CTNNA2: variants seen among roughly 807,000 people sequenced by gnomAD.
CTNNA2 encodes the protein catenin alpha 2.
CTNNA2 carries 42 observed loss-of-function variants against 101.0 expected under a neutral mutation model. That is an observed-to-expected ratio of 0.42 (90% CI 0.32 to 0.54). The LOEUF (loss-of-function observed/expected upper bound fraction) is 0.54, where lower values mean the gene tolerates loss of function less well. Ranked by LOEUF, CTNNA2 falls within the 20% of genes least tolerant of loss-of-function variation. The pLI, the probability that CTNNA2 is intolerant of heterozygous loss-of-function variation, is 0.14. For missense variants in CTNNA2, 871 were observed against 1,223.1 expected, an observed-to-expected ratio of 0.71 and a Z score of 4.29; for synonymous variants, 450 against 456.4, an observed-to-expected ratio of 0.99 and a Z score of 0.18.
intron 7 of CTNNA2, among the ~76,000 whole-genome samples, chr2:80,112,994 A>G (rs947687907): frequency 1.3e-5 from 2 of 152,152 alleles, no homozygotes; most frequent in African/African-American, 2.4e-5. Context: ...TGGCTGGTGC[A>G]ATGATTAGCC....
chr2:79,335,736 G>A (rs1367941193), intron 3 of CTNNA2, among the ~76,000 whole-genome samples: 1 of 152,166 alleles, frequency 6.6e-6, no homozygotes, highest in African/African-American at 2.4e-5. Flanking sequence ...TGTCTATGAA[G>A]GTGGTTCATG....
chr2:80,158,678 A>G (rs111692689), intron 7 of CTNNA2, among the ~76,000 whole-genome samples: 21,232 of 152,114 alleles, frequency 0.14, 3,708 homozygotes, highest in African/African-American at 0.41. Flanking sequence ...GGGAGGCTGA[A>G]GCAGGCAGAT....
In CTNNA2 at chr2:79,869,933, C is replaced by A; in HGVS notation, c.583C>A (p.Gln195Lys). ...KLNYVAARRQ[Q>K]ELKDPHCRDE... is the part of the protein sequence containing the mutation. ...TAACTATGTAGCAGCAAGAAGACAA[C>A]AGGTGGGAAAGATTTTAGAAATGCT... The change falls in exon 5 of 19, where the codon CAG becomes AAG. Residue 195 changes from glutamine to lysine, a missense_variant and splice_region_variant. By Grantham distance (53) the Gln-to-Lys change is moderately conservative. Around this residue, in one of 5 missense-constraint regions of CTNNA2, gnomAD observed 647 missense variants for 831.5 expected, o/e 0.78. Coordinates refer to ENST00000402739, the MANE Select transcript of CTNNA2 (RefSeq NM_001282597.3). 1 of 1,613,104 alleles carries A rather than the reference C, an allele frequency of 6.2e-7. No individual in the cohort carries two copies. The highest frequency in any genetic ancestry group is 8.5e-7 in the Non-Finnish European group (1 of 1,179,774).
Position 80,567,051 on chromosome 2 carries a change from TATAA to T in CTNNA2, c.1742-7108_1742-7105del, listed in dbSNP as rs140364945. On this transcript the variant is annotated intron_variant, in intron 12 of 18. Coordinates refer to ENST00000402739, the MANE Select transcript of CTNNA2 (RefSeq NM_001282597.3). ...GTACCTCCTAGGGAAGGCACACACCTATAAATACATATGGAAATGAAATAGTCAC... is the reference window on the plus strand; with the variant it reads ...GTACCTCCTAGGGAAGGCACACACCTATACATATGGAAATGAAATAGTCAC... Among the ~76,000 whole-genome samples, 357 of 152,268 alleles carry T rather than the reference TATAA, an allele frequency of 2.3e-3. 1 individual carries two copies. Among genetic ancestry groups the T allele is most frequent in the African/African-American group, 8.1e-3 (338 of 41,554 alleles).
At chr2:79,399,216 C>T (rs1363635294) in intron 4 of CTNNA2, among the ~76,000 whole-genome samples, 1 of 152,014 alleles carries the variant, frequency 6.6e-6, no homozygotes, top group Non-Finnish European at 1.5e-5. Context: ...GGATAAGAGG[C>T]TGATTTTTTT....
At chr2:80,159,740 C>G (rs1704197428) in intron 7 of CTNNA2, among the ~76,000 whole-genome samples, 2 of 152,116 alleles carry the variant, frequency 1.3e-5, no homozygotes, top group South Asian at 4.1e-4. Flanking sequence ...TCCCAAAGTG[C>G]TGGGATTACA....
chr2:79,554,950 C>A (rs563157048), intron 1 of CTNNA2, among the ~76,000 whole-genome samples: 1 of 152,194 alleles, frequency 6.6e-6, no homozygotes, highest in Non-Finnish European at 1.5e-5. Context: ...ATTTTAAATG[C>A]CATTTAGCAG....
intron 3 of CTNNA2, among the ~76,000 whole-genome samples, chr2:79,754,212 G>A (rs1161617892): frequency 1.3e-5 from 2 of 152,064 alleles, no homozygotes; most frequent in Non-Finnish European, 2.9e-5. Flanking sequence ...AGTAAATGAT[G>A]ACCAATGGGC....
At chr2:80,406,720 G>C (rs1165168799) in intron 8 of CTNNA2, among the ~76,000 whole-genome samples, 2 of 150,816 alleles carry the variant, frequency 1.3e-5, no homozygotes, top group East Asian at 2.0e-4. Context: ...CCAGCTACTC[G>C]GGAGGCTGAG....
At chr2:79,700,599 T>A (rs765052562) in intron 2 of CTNNA2, among the ~76,000 whole-genome samples, 3 of 152,106 alleles carry the variant, frequency 2.0e-5, no homozygotes, top group Non-Finnish European at 4.4e-5. Flanking sequence ...AGAGTAGCGA[T>A]TGGGATGCCA....
chr2:79,671,148 T>C (rs1306357083), intron 2 of CTNNA2, among the ~76,000 whole-genome samples: 1 of 152,296 alleles, frequency 6.6e-6, no homozygotes, highest in East Asian at 1.9e-4. Context: ...CACTGGATCC[T>C]TGGGGAAAGG....
chr2:79,829,758 C>A (rs935594374), intron 3 of CTNNA2, among the ~76,000 whole-genome samples: 1 of 151,140 alleles, frequency 6.6e-6, no homozygotes, highest in Non-Finnish European at 1.5e-5. Context: ...CTCGCTCTGT[C>A]GCCCAGGCTG....
chr2:79,430,996 A>G (rs555081409), intron 4 of CTNNA2, among the ~76,000 whole-genome samples: 1 of 152,264 alleles, frequency 6.6e-6, no homozygotes, highest in South Asian at 2.1e-4. Context: ...TCCTGGTGGA[A>G]AGGAAGCCAA....
chr2:79,286,280 A>T (rs1487080759), intron 2 of CTNNA2, among the ~76,000 whole-genome samples: 2 of 152,056 alleles, frequency 1.3e-5, no homozygotes, highest in Non-Finnish European at 2.9e-5. Context: ...GTTATGTGTG[A>T]ATTTGATCTG....
chr2:79,386,950 G>A lies in CTNNA2; in HGVS notation c.-135+12937G>A, dbSNP rs141595538. Among the ~76,000 whole-genome samples the A allele has an allele frequency of 1.2e-4, 19 of 152,256 alleles. 1 individual carries two copies. Among genetic ancestry groups the A allele is most frequent in the African/African-American group, 4.6e-4 (19 of 41,548 alleles). On this transcript the variant is annotated intron_variant, in intron 4 of 21. Transcript: ENST00000466387. ...ACCTGCCCCCACCCATGGTACTGAG[G>A]CCACTGATGTGTGGATGCCACTTTG...
At chr2:79,578,715 C>A (rs1176937392) in intron 1 of CTNNA2, among the ~76,000 whole-genome samples, 1 of 152,152 alleles carries the variant, frequency 6.6e-6, no homozygotes, top group Non-Finnish European at 1.5e-5. Flanking sequence ...ACTCTCTATT[C>A]TGTTTCCGGG....
At chr2:80,417,994 C>G (rs573761099) in intron 8 of CTNNA2, among the ~76,000 whole-genome samples, 1 of 152,078 alleles carries the variant, frequency 6.6e-6, no homozygotes, top group East Asian at 1.9e-4. Context: ...TTGAGATAAC[C>G]TGAATCTTCT....
chr2:79,948,928 A>G (rs1688690111), intron 7 of CTNNA2, among the ~76,000 whole-genome samples: 1 of 152,170 alleles, frequency 6.6e-6, no homozygotes, highest in African/African-American at 2.4e-5. Flanking sequence ...AGATTGTGCC[A>G]CTGCACTCCA....
chr2:80,487,069 A>G (rs553053251), intron 9 of CTNNA2, among the ~76,000 whole-genome samples: 42 of 152,086 alleles, frequency 2.8e-4, no homozygotes, highest in African/African-American at 9.4e-4. Context: ...GTGGATCAGG[A>G]GGTCAGGAGT....
Sources: allele counts gnomAD v4.1 joint callset (sites outside exome capture counted in the v4.1 genomes callset), GRCh38; gene constraint gnomAD v4.1.1; regional missense constraint gnomAD v4.1.1; transcripts MANE v1.5; gene names NCBI Gene and HGNC (gene_info 2026-07-23, HGNC 2026-07-21).